The following MED1 variants were observed in gnomAD, a reference collection of about 807,000 sequenced individuals.
MED1 encodes mediator complex subunit 1, also known as mediator of RNA polymerase II transcription subunit 1.
A neutral mutation model predicts 121.3 loss-of-function variants in MED1; 17 were observed. The ratio of observed to expected loss-of-function variants is 0.14; its 90% CI spans 0.10 to 0.21. MED1 has a LOEUF of 0.21. Ranked by LOEUF, MED1 falls within the 10% of genes least tolerant of loss-of-function variation. The pLI, the probability that MED1 is intolerant of heterozygous loss-of-function variation, is 1.00. For missense variants in MED1, 1,558 were observed against 1,919.4 expected (o/e 0.81, Z 3.52); for synonymous variants, 661 against 694.4 (o/e 0.95, Z 0.76).
intron 7 of MED1, among the ~76,000 whole-genome samples, chr17:39,432,467 G>T (rs2144753386): frequency 6.6e-6 from 1 of 151,804 alleles, no homozygotes; most frequent in East Asian, 1.9e-4. Flanking sequence ...TTAAAAACTG[G>T]CCAGGCGCAG....
intron 12 of MED1, 109 bp from the exon 13 acceptor site, chr17:39,423,554 T>G: frequency 7.0e-7 from 1 of 1,422,306 alleles, no homozygotes; most frequent in Non-Finnish European, 9.9e-7. Flanking sequence ...TTACTAAGCA[T>G]TTACTAGTAC....
At chr17:39,436,562 A>C (rs544510903) in intron 6 of MED1, among the ~76,000 whole-genome samples, 82 of 152,216 alleles carry the variant, frequency 5.4e-4, no homozygotes, top group South Asian at 3.7e-3. Context: ...TTTCCACTCA[A>C]TTAAAAGAAA....
intron 7 of MED1, among the ~76,000 whole-genome samples, chr17:39,432,770 CA>C (rs904496388): frequency 3.7e-5 from 5 of 134,486 alleles, no homozygotes; most frequent in Admixed American, 7.5e-5. Flanking sequence ...AAACAAAAAC[CA>C]AAAAAAAAAC....
intron 2 of MED1, among the ~76,000 whole-genome samples, chr17:39,447,340 G>A (rs572467570): frequency 2.0e-5 from 3 of 150,644 alleles, no homozygotes; most frequent in African/African-American, 7.3e-5. Flanking sequence ...GCAGTGAGCC[G>A]AGATCGGGCT....
rs1184694843 is a variant in MED1 at position 39,408,363 on chromosome 17, C to T, written c.3858G>A (p.Gln1286=). The change falls in exon 17 of 17, where the codon CAG becomes CAA. Residue 1286 remains glutamine (Q), a synonymous_variant. Transcript: ENST00000300651. The surrounding 1 kb of genome is among the most constrained non-coding windows in gnomAD (Gnocchi z 4.7). ...SGSSMSSSQN[Q]HGSSKGKSPS... ...GAGATTTTCCTTTAGAACTCCCATGCTGGTTCTGAGAGGATGACATGGAAG... is the reference window on the plus strand; with the variant it reads ...GAGATTTTCCTTTAGAACTCCCATGTTGGTTCTGAGAGGATGACATGGAAG... 6 of 1,614,138 alleles carry T rather than the reference C, an allele frequency of 3.7e-6. No individual in the cohort carries two copies. In the Admixed American group the frequency reaches 1.0e-4, roughly 27 times the overall value.
In MED1 at chr17:39,432,679, G is replaced by A. The variant is rs368997399; in HGVS notation, c.501-663C>T. Among the ~76,000 whole-genome samples, 8 of 151,868 alleles carry A rather than the reference G, an allele frequency of 5.3e-5. No individual in the cohort carries two copies. In the East Asian group the frequency reaches 7.8e-4, roughly 15 times the overall value. On this transcript the variant is annotated intron_variant, in intron 7 of 16. Coordinates refer to ENST00000300651, the MANE Select transcript of MED1 (RefSeq NM_004774.4). Reference sequence around the variant, plus strand: ...TAAGGCAAGAGAATTGCTTGAACCCGGGAGGTGGAGGTTGCAGTGAACCGA... The same window carrying A: ...TAAGGCAAGAGAATTGCTTGAACCCAGGAGGTGGAGGTTGCAGTGAACCGA...
Position 39,405,325 on chromosome 17 carries a change from A to C in MED1, c.*2150T>G. 6.3e-7 allele frequency: 1 copy of C among 1,599,346 alleles called. No individual in the cohort carries two copies. The highest frequency in any genetic ancestry group is 1.1e-5 in the South Asian group (1 of 88,418). On this transcript the variant is annotated 3_prime_UTR_variant, in exon 17 of 17. Transcript: ENST00000300651. ...TTCTTTGATCTGGGATGAAGACAGAAAGAGAGAAAAGCTTCCCAGTTTACT... is the reference window on the plus strand; with the variant it reads ...TTCTTTGATCTGGGATGAAGACAGACAGAGAGAAAAGCTTCCCAGTTTACT...
intron 2 of MED1, among the ~76,000 whole-genome samples, 181 bp from the exon 3 acceptor site, chr17:39,443,809 C>CAAAGGAAGA (rs55852521): frequency 0.79 from 118,881 of 151,346 alleles, 47,202 homozygotes; most frequent in South Asian, 0.92. Flanking sequence ...TCCATCCATG[C>CAAAGGAAGA]AAAATCCATA....
At chr17:39,411,051 T>C (rs1281467143) in intron 16 of MED1, among the ~76,000 whole-genome samples, 1 of 152,300 alleles carries the variant, frequency 6.6e-6, no homozygotes, top group Non-Finnish European at 1.5e-5. Flanking sequence ...CCGGGCACAG[T>C]GGCTCACGCC....
Position 39,410,016 on chromosome 17 carries a change from C to T in MED1, c.2205G>A (p.Thr735=), listed in dbSNP as rs753146919. 5.0e-6 allele frequency: 8 copies of T among 1,613,982 alleles called. No homozygotes were observed. Among genetic ancestry groups the T allele is most frequent in the Admixed American group, 1.7e-5 (1 of 59,998 alleles). The change falls in exon 17 of 17, where the codon ACG becomes ACA. Residue 735 remains threonine (T), a synonymous_variant. Coordinates refer to ENST00000300651, the MANE Select transcript of MED1 (RefSeq NM_004774.4). Reference sequence around the variant, plus strand: ...GGCTTGGAGCTGGAGTGATGTGTGGCGTATCCAGCGTGTCAGCTGTCATGT... The same window carrying T: ...GGCTTGGAGCTGGAGTGATGTGTGGTGTATCCAGCGTGTCAGCTGTCATGT... ...DVNMTADTLD[T]PHITPAPSQC...
At position 39,419,929 on chromosome 17, in the gene MED1, A is replaced by G; in HGVS notation, c.1096-11T>C. 1 of 1,611,954 alleles carries G rather than the reference A, an allele frequency of 6.2e-7. No individual in the cohort carries two copies. The highest frequency in any genetic ancestry group is 8.5e-7 in the Non-Finnish European group (1 of 1,178,202). ...CTGACCAGGAAGAGCCTGGGCAAAAAGAACAGTTAACGAGTGCTATTTAGT... is the reference window on the plus strand; with the variant it reads ...CTGACCAGGAAGAGCCTGGGCAAAAGGAACAGTTAACGAGTGCTATTTAGT... On this transcript the variant is annotated splice_polypyrimidine_tract_variant and intron_variant, in intron 13 of 16. Transcript: ENST00000300651.
At chr17:39,414,107 A>C (rs2144722646) in intron 16 of MED1, among the ~76,000 whole-genome samples, 1 of 151,306 alleles carries the variant, frequency 6.6e-6, no homozygotes, top group East Asian at 2.0e-4. Context: ...CATGCCTGTA[A>C]TCCTAGCTAC....
chr17:39,408,505 G>A lies in MED1; in HGVS notation c.3716C>T (p.Ser1239Leu). 6.2e-7 allele frequency: 1 copy of A among 1,614,198 alleles called. No homozygotes were observed. Among genetic ancestry groups the A allele is most frequent in the South Asian group, 1.1e-5 (1 of 91,080 alleles). The change falls in exon 17 of 17, where the codon TCA (serine) becomes TTA (leucine). Residue 1239 changes from serine (S) to leucine (L), a missense_variant. Coordinates refer to ENST00000300651, the MANE Select transcript of MED1 (RefSeq NM_004774.4). The surrounding 1 kb of genome is among the most constrained non-coding windows in gnomAD (Gnocchi z 4.7). Reference protein sequence around the residue: ...SGGSHMSGTSSSSGMKSSSGL... With the variant: ...SGGSHMSGTSLSSGMKSSSGL... ...TGAAGATGACTTCATGCCAGAGCTT[G>A]AACTAGTTCCAGACATATGAGAACC...
Position 39,407,132 on chromosome 17 carries a change from A to G in MED1, c.*343T>C. ...TTAAAACATGGCCTAAAAATGGAAAAAGGGAGAAGAAAATATATATGAATA... is the reference window on the plus strand; with the variant it reads ...TTAAAACATGGCCTAAAAATGGAAAGAGGGAGAAGAAAATATATATGAATA... On this transcript the variant is annotated 3_prime_UTR_variant, in exon 17 of 17. Transcript: ENST00000300651. The G allele has an allele frequency of 9.9e-7, 1 of 1,009,208 alleles. No homozygotes were observed. 62.5% of individuals were successfully genotyped at this position (1,009,208 alleles called of 1,614,324 possible). A position where few individuals can be genotyped will look rare whatever the true frequency, so the allele number is the denominator to read the frequency against.
At chr17:39,428,104 C>A (rs1177513568) in intron 9 of MED1, among the ~76,000 whole-genome samples, 1 of 152,006 alleles carries the variant, frequency 6.6e-6, no homozygotes, top group Non-Finnish European at 1.5e-5. Context: ...AATCCTAGCA[C>A]TTTGGGAGGT....
intron 16 of MED1, among the ~76,000 whole-genome samples, chr17:39,411,436 CG>C (rs1257489646): frequency 1.3e-5 from 2 of 151,306 alleles, no homozygotes; most frequent in Admixed American, 1.3e-4. Context: ...GCCTGGCCAG[CG>C]GGGTGAAACC....
chr17:39,443,041 GC>G (rs2048694805), intron 3 of MED1, among the ~76,000 whole-genome samples: 1 of 107,260 alleles, frequency 9.3e-6, no homozygotes, highest in African/African-American at 3.9e-5. Flanking sequence ...TTGCCCTGTT[GC>G]CCAGGCTGGA....
At chr17:39,422,104 G>A (rs536950880) in intron 13 of MED1, among the ~76,000 whole-genome samples, 19 of 148,426 alleles carry the variant, frequency 1.3e-4, no homozygotes, top group African/African-American at 4.7e-4. Context: ...CTCCAGCCTG[G>A]GCGACACAGC....
chr17:39,422,972 T>G (rs933252101), intron 13 of MED1, among the ~76,000 whole-genome samples: 2 of 148,834 alleles, frequency 1.3e-5, no homozygotes, highest in Non-Finnish European at 3.0e-5. Context: ...TTCAAGCCAT[T>G]CTCCTCCCTC....
Sources: allele counts gnomAD v4.1 joint callset (sites outside exome capture counted in the v4.1 genomes callset), GRCh38; gene constraint gnomAD v4.1.1; non-coding constraint Gnocchi (gnomAD v3.1); transcripts MANE v1.5; gene names NCBI Gene and HGNC (gene_info 2026-07-23, HGNC 2026-07-21).